AKR1D1: variants seen among roughly 807,000 people sequenced by gnomAD.
The protein encoded by AKR1D1 is delta(4)-3-ketosteroid 5-beta-reductase.
A neutral mutation model predicts 42.6 loss-of-function variants in AKR1D1; 32 were observed. The ratio of observed to expected loss-of-function variants is 0.75; its 90% CI spans 0.57 to 1.01. AKR1D1 has a LOEUF of 1.01. Among genes scored for constraint, AKR1D1 ranks in the 50% least tolerant of loss-of-function variants. The probability of loss-of-function intolerance (pLI) is 0.00; values close to 1 mark genes in which losing one functional copy is unlikely to be tolerated. For synonymous variants in AKR1D1, 123 were observed against 135.5 expected, an observed-to-expected ratio of 0.91 and a Z score of 0.64; for missense variants, 364 against 402.2, an observed-to-expected ratio of 0.91 and a Z score of 0.81.
In AKR1D1 at chr7:138,080,583, G is replaced by A. The variant is rs545813191; in HGVS notation, c.93+3972G>A. Among the ~76,000 whole-genome samples the A allele has an allele frequency of 4.6e-5, 7 of 152,268 alleles. No individual in the cohort carries two copies. In the South Asian group the frequency reaches 1.4e-3, roughly 32 times the overall value. On this transcript the variant is annotated intron_variant, in intron 1 of 8. Coordinates refer to ENST00000242375, the MANE Select transcript of AKR1D1 (RefSeq NM_005989.4). ...ATTTGGAATATGCATATACAAAAAA[G>A]TCTTGCCCATTTGAATTTCAAATGT...
chr7:138,087,436 G>C (rs146276131), intron 1 of AKR1D1, among the ~76,000 whole-genome samples: 1 of 152,250 alleles, frequency 6.6e-6, no homozygotes, highest in Non-Finnish European at 1.5e-5. Flanking sequence ...TATGTTTAAC[G>C]TGAGTTAATA....
rs770734480 is a variant in AKR1D1 at position 138,076,508 on chromosome 7, G to A, written c.-11G>A. The A allele has an allele frequency of 1.1e-5, 18 of 1,610,768 alleles. No individual in the cohort carries two copies. The highest frequency in any genetic ancestry group is 1.7e-5 in the Admixed American group (1 of 59,908). ...GTGTTCAGAATCACTCCTACAGTCA[G>A]GTTCTCCACAATGGATCTCAGTGCT... On this transcript the variant is annotated 5_prime_UTR_variant, in exon 1 of 9. Transcript: ENST00000242375.
intron 1 of AKR1D1, among the ~76,000 whole-genome samples, chr7:138,088,374 G>GGT (rs749268692): frequency 6.6e-6 from 1 of 152,184 alleles, no homozygotes; most frequent in Non-Finnish European, 1.5e-5. Context: ...ATGCCACGAA[G>GGT]CTGAGGGCAG....
chr7:138,079,929 G>A (rs780891399), intron 1 of AKR1D1, among the ~76,000 whole-genome samples: 1 of 152,176 alleles, frequency 6.6e-6, no homozygotes, highest in African/African-American at 2.4e-5. Flanking sequence ...ACTGGGGCTT[G>A]CCATAAACTC....
intron 7 of AKR1D1, among the ~76,000 whole-genome samples, chr7:138,108,461 GA>G (rs1306669887): frequency 6.6e-6 from 1 of 152,176 alleles, no homozygotes; most frequent in Non-Finnish European, 1.5e-5. Context: ...AATATTTGGG[GA>G]AACAGGCGCT....
intron 1 of AKR1D1, among the ~76,000 whole-genome samples, chr7:138,081,081 G>C (rs1803046111): frequency 6.6e-6 from 1 of 152,176 alleles, no homozygotes; most frequent in African/African-American, 2.4e-5. Flanking sequence ...GCAAAACATA[G>C]ATCATCCGTG....
At chr7:138,077,232 T>C (rs1433410800) in intron 1 of AKR1D1, among the ~76,000 whole-genome samples, 1 of 152,052 alleles carries the variant, frequency 6.6e-6, no homozygotes, top group Non-Finnish European at 1.5e-5. Flanking sequence ...AGGAAAGAGG[T>C]TTAATTGACT....
chr7:138,105,900 A>G (rs1036632721), intron 5 of AKR1D1, among the ~76,000 whole-genome samples: 1 of 138,830 alleles, frequency 7.2e-6, no homozygotes, highest in African/African-American at 2.8e-5. Context: ...AACAACAACA[A>G]CAAAAAAAAA....
At chr7:138,094,007 T>C (rs1727849628) in intron 3 of AKR1D1, among the ~76,000 whole-genome samples, 1 of 152,226 alleles carries the variant, frequency 6.6e-6, no homozygotes, top group South Asian at 2.1e-4. Flanking sequence ...AATTTACTTC[T>C]CTGTGACTAA....
chr7:138,106,579 G>T (rs1468485547), intron 5 of AKR1D1, 29 bp from the exon 6 acceptor site: 2 of 1,570,004 alleles, frequency 1.3e-6, no homozygotes, highest in Non-Finnish European at 1.8e-6. Context: ...CCTTGATTTT[G>T]TGCTCTGCTC....
At position 138,113,892 on chromosome 7, in the gene AKR1D1, C is replaced by T. The variant is rs552564555; in HGVS notation, c.938+120C>T. 5.8e-6 allele frequency: 5 copies of T among 860,168 alleles called. No homozygotes were observed. The East Asian group carries it at 7.7e-5, about 13-fold the overall frequency. 53.3% of individuals were successfully genotyped at this position (860,168 alleles called of 1,614,324 possible). On this transcript the variant is annotated intron_variant, in intron 8 of 8. Transcript: ENST00000242375. ...TAGCACCAGGGCAAAGCATGGTGGG[C>T]CGCATATTCTGAATGTTAACATGCC... is the stretch of plus-strand genomic sequence containing the variant.
At chr7:138,082,069 C>T (rs2117414974) in intron 1 of AKR1D1, among the ~76,000 whole-genome samples, 1 of 152,308 alleles carries the variant, frequency 6.6e-6, no homozygotes, top group Admixed American at 6.5e-5. Context: ...GCAGCAGCTT[C>T]TGCGTCATTT....
intron 7 of AKR1D1, among the ~76,000 whole-genome samples, chr7:138,111,701 T>C (rs1794540008): frequency 6.6e-6 from 1 of 152,104 alleles, no homozygotes; most frequent in African/African-American, 2.4e-5. Context: ...ACAGAAATAA[T>C]GTAGAGAGGG....
intron 4 of AKR1D1, among the ~76,000 whole-genome samples, chr7:138,098,607 C>T (rs1794229928): frequency 6.6e-6 from 1 of 152,142 alleles, no homozygotes; most frequent in Admixed American, 6.6e-5. Context: ...AAGATGCCGT[C>T]TCAAAAACAG....
intron 8 of AKR1D1, among the ~76,000 whole-genome samples, chr7:138,113,976 G>A (rs1037646092): frequency 6.6e-6 from 1 of 152,210 alleles, no homozygotes; most frequent in Non-Finnish European, 1.5e-5. Context: ...CTGAAAAGAA[G>A]AGTCCTGGCA....
chr7:138,098,082 T>C (rs1025924347), intron 4 of AKR1D1, 139 bp downstream of exon 4: 5 of 718,116 alleles, frequency 7.0e-6, no homozygotes, highest in Non-Finnish European at 1.2e-5. Flanking sequence ...TTCCTAACCA[T>C]AAGTACAGGT....
chr7:138,079,098 C>T (rs1489139550), intron 1 of AKR1D1, among the ~76,000 whole-genome samples: 5 of 152,304 alleles, frequency 3.3e-5, no homozygotes, highest in East Asian at 1.9e-4. Context: ...TCCCAAAATG[C>T]TCGGATTACA....
chr7:138,076,546 A>G lies in AKR1D1; in HGVS notation c.28A>G (p.Ile10Val). The stretch of plus-strand genomic sequence containing the variant: ...GGATCTCAGTGCTGCAAGTCACCGC[A>G]TACCTCTAAGTGATGGAAACAGCAT... MDLSAASHR[I>V]PLSDGNSIPI... Residue 10 changes from isoleucine (I) to valine (V), a missense_variant, in exon 1 of 9, where the codon ATA becomes GTA. Transcript: ENST00000242375. 6.2e-7 allele frequency: 1 copy of G among 1,613,584 alleles called. No individual in the cohort carries two copies. Among genetic ancestry groups the G allele is most frequent in the South Asian group, 1.1e-5 (1 of 91,066 alleles).
intron 1 of AKR1D1, among the ~76,000 whole-genome samples, chr7:138,086,096 G>A (rs1428096258): frequency 1.3e-5 from 2 of 152,018 alleles, no homozygotes; most frequent in African/African-American, 2.4e-5. Flanking sequence ...CCACTTACTC[G>A]GGAGGCTGAG....
Sources: allele counts gnomAD v4.1 joint callset (sites outside exome capture counted in the v4.1 genomes callset), GRCh38; gene constraint gnomAD v4.1.1; transcripts MANE v1.5; gene names NCBI Gene and HGNC (gene_info 2026-07-23, HGNC 2026-07-21).